Variants in LPP observed in about 807,000 individuals in gnomAD.
LPP encodes the protein lipoma-preferred partner.
In LPP, 38 loss-of-function variants were observed where a neutral mutation model predicts 60.4. That is an observed-to-expected ratio of 0.63 (90% confidence interval 0.49 to 0.83). The LOEUF (loss-of-function observed/expected upper bound fraction) is 0.83, where lower values mean the gene tolerates loss of function less well. Among genes scored for constraint, LPP ranks in the 40% least tolerant of loss-of-function variants. The pLI, the probability that LPP is intolerant of heterozygous loss-of-function variation, is 0.00. For synonymous variants in LPP, 328 were observed against 290.8 expected (o/e 1.13, Z -1.30); for missense variants, 902 against 783.6 (o/e 1.15, Z -1.80).
chr3:188,726,505 T>A (rs1476067473), intron 8 of LPP, among the ~76,000 whole-genome samples: 1 of 152,126 alleles, frequency 6.6e-6, no homozygotes, highest in Non-Finnish European at 1.5e-5. Flanking sequence ...GGGGCTTACA[T>A]TCCAGTGAGA....
At chr3:188,770,280 G>C (rs564725051) in intron 9 of LPP, among the ~76,000 whole-genome samples, 1 of 139,980 alleles carries the variant, frequency 7.1e-6, no homozygotes. Context: ...CCGGGTTCAC[G>C]CCATTCTCCT....
chr3:188,843,189 T>C (rs1444020486), intron 9 of LPP, among the ~76,000 whole-genome samples: 5 of 152,170 alleles, frequency 3.3e-5, no homozygotes, highest in Non-Finnish European at 7.3e-5. Flanking sequence ...ATCCATCTTC[T>C]ATCAGTTCTA....
In LPP at chr3:188,672,557, G is replaced by A. The variant is rs575954420; in HGVS notation, c.1114-35710G>A. Among the ~76,000 whole-genome samples the A allele has an allele frequency of 2.0e-5, 3 of 152,254 alleles. No homozygotes were observed. The South Asian group carries it at 6.2e-4, about 32-fold the overall frequency. The stretch of plus-strand genomic sequence containing the variant: ...GTACGTTGATGGAGGGGGTGGTGGG[G>A]ATAGAGGGTGATTTTACCTGCTCCA... On this transcript the variant is annotated intron_variant, in intron 7 of 11. Coordinates refer to ENST00000617246, the MANE Select transcript of LPP (RefSeq NM_001375462.1).
chr3:188,849,082 A>G (rs958684674), intron 9 of LPP, among the ~76,000 whole-genome samples: 3 of 152,230 alleles, frequency 2.0e-5, no homozygotes, highest in Non-Finnish European at 4.4e-5. Flanking sequence ...GGTAGAAGGC[A>G]CAGCACCGTG....
At chr3:188,270,302 GAC>G (rs148947640) in intron 2 of LPP, among the ~76,000 whole-genome samples, 16 of 150,232 alleles carry the variant, frequency 1.1e-4, no homozygotes, top group Middle Eastern at 3.4e-3. Context: ...TGTGTGTGTG[GAC>G]ACACACACAC....
At chr3:188,481,976 T>G (rs1462106605) in intron 4 of LPP, among the ~76,000 whole-genome samples, 1 of 152,206 alleles carries the variant, frequency 6.6e-6, no homozygotes, top group African/African-American at 2.4e-5. Context: ...AATCCCCATG[T>G]GTCAAGGGAG....
chr3:188,242,050 T>G (rs1227665661), intron 2 of LPP, among the ~76,000 whole-genome samples: 1 of 152,174 alleles, frequency 6.6e-6, no homozygotes, highest in African/African-American at 2.4e-5. Flanking sequence ...GTGCTTTTTT[T>G]GGGCTAATAG....
Position 188,774,773 on chromosome 3 carries a change from C to T in LPP, c.1410+14491C>T, listed in dbSNP as rs191071438. Among the ~76,000 whole-genome samples the T allele has an allele frequency of 1.6e-4, 25 of 152,226 alleles. No homozygotes were observed. The East Asian group carries it at 4.8e-3, about 29-fold the overall frequency. The stretch of plus-strand genomic sequence containing the variant: ...ATGGTGTGTGTGGGGAGGGAGCAAG[C>T]CCACTAAGTGTCTTTTCTTATAAGG... On this transcript the variant is annotated intron_variant, in intron 9 of 11. Transcript: ENST00000617246.
chr3:188,575,096 A>C (rs1027247760), intron 6 of LPP, among the ~76,000 whole-genome samples: 1 of 152,028 alleles, frequency 6.6e-6, no homozygotes, highest in African/African-American at 2.4e-5. Flanking sequence ...GCTCTCCTCA[A>C]TTAAGACTTT....
intron 8 of LPP, among the ~76,000 whole-genome samples, chr3:188,732,042 G>T (rs143461149): frequency 6.6e-6 from 1 of 152,142 alleles, no homozygotes; most frequent in Non-Finnish European, 1.5e-5. Context: ...TGTTCACCCC[G>T]ACTCCCATCC....
Position 188,207,673 on chromosome 3 carries a change from G to T in LPP, c.-189-17732G>T, listed in dbSNP as rs542568692. Among the ~76,000 whole-genome samples, 4 of 147,118 alleles carry T rather than the reference G, an allele frequency of 2.7e-5. No individual in the cohort carries two copies. The East Asian group carries it at 7.9e-4, about 29-fold the overall frequency. ...GAATCTCACTATGTTTCCCAGGCTG[G>T]TCTTGAACTCCTGGGCTCAAGTAAT... is the stretch of plus-strand genomic sequence containing the variant. On this transcript the variant is annotated intron_variant, in intron 1 of 11. Transcript: ENST00000617246.
chr3:188,488,869 C>G (rs1334308105), intron 5 of LPP, among the ~76,000 whole-genome samples: 1 of 152,092 alleles, frequency 6.6e-6, no homozygotes, highest in Non-Finnish European at 1.5e-5. Flanking sequence ...AAACTCCTGA[C>G]CTTGTGATCC....
At chr3:188,822,331 G>C (rs1754212232) in intron 9 of LPP, among the ~76,000 whole-genome samples, 1 of 152,146 alleles carries the variant, frequency 6.6e-6, no homozygotes, top group South Asian at 2.1e-4. Flanking sequence ...CCTGGATTTG[G>C]AGGCTTAAGG....
chr3:188,298,826 T>G (rs1748782302), intron 2 of LPP, among the ~76,000 whole-genome samples: 1 of 152,164 alleles, frequency 6.6e-6, no homozygotes, highest in Admixed American at 6.5e-5. Context: ...ATTCCCATCA[T>G]GAGTATTTAT....
At chr3:188,624,354 C>G (rs2151612047) in intron 7 of LPP, among the ~76,000 whole-genome samples, 1 of 152,166 alleles carries the variant, frequency 6.6e-6, no homozygotes, top group East Asian at 1.9e-4. Flanking sequence ...TAGAGGCAGT[C>G]TAACAAAATG....
chr3:188,870,977 T>A (rs900976246), intron 10 of LPP, among the ~76,000 whole-genome samples: 1 of 151,542 alleles, frequency 6.6e-6, no homozygotes, highest in African/African-American at 2.4e-5. Flanking sequence ...ACAGCCCAAC[T>A]TTTTTTTTCT....
At chr3:188,377,633 T>G (rs1775551008) in intron 3 of LPP, among the ~76,000 whole-genome samples, 1 of 152,204 alleles carries the variant, frequency 6.6e-6, no homozygotes, top group Non-Finnish European at 1.5e-5. Context: ...GCTTTTAACT[T>G]CTTTGCCATT....
chr3:188,745,024 T>C (rs1444714994), intron 8 of LPP, among the ~76,000 whole-genome samples: 1 of 152,102 alleles, frequency 6.6e-6, no homozygotes, highest in Admixed American at 6.6e-5. Flanking sequence ...TAAACTGTTC[T>C]CCCTATCCTT....
At chr3:188,794,794 G>C (rs1744842260) in intron 9 of LPP, among the ~76,000 whole-genome samples, 2 of 152,076 alleles carry the variant, frequency 1.3e-5, no homozygotes. Flanking sequence ...TCAGCCCCGG[G>C]AACCTACAGA....
Sources: gnomAD v4.1 joint callset for allele counts (sites outside exome capture counted in the v4.1 genomes callset) on GRCh38, gnomAD v4.1.1 for gene constraint, MANE v1.5 for transcripts, NCBI Gene and HGNC (gene_info 2026-07-23, HGNC 2026-07-21) for gene names.